The following TANC2 variants were observed in gnomAD, a reference collection of about 807,000 sequenced individuals.
TANC2 encodes the protein tetratricopeptide repeat, ankyrin repeat and coiled-coil containing 2.
TANC2 carries 26 observed loss-of-function variants against 210.5 expected under a neutral mutation model. The observed-to-expected ratio is 0.12, with a 90% confidence interval of 0.09 to 0.17. TANC2 has a LOEUF of 0.17. Among genes scored for constraint, TANC2 ranks in the 10% least tolerant of loss-of-function variants. The pLI, the probability that TANC2 is intolerant of heterozygous loss-of-function variation, is 1.00. For synonymous variants in TANC2, 931 were observed against 967.1 expected (o/e 0.96, Z 0.69); for missense variants, 2,129 against 2,608.9 (o/e 0.82, Z 4.01).
At chr17:63,388,505 G>T (rs2047857360) in intron 15 of TANC2, 130 bp from the exon 16 acceptor site, 5 of 907,938 alleles carry the variant, frequency 5.5e-6, no homozygotes, top group Admixed American at 3.1e-5. Context: ...GCTTTGCTTG[G>T]CATGAACATT....
At chr17:63,342,268 C>T (rs2046254961) in intron 12 of TANC2, among the ~76,000 whole-genome samples, 1 of 151,864 alleles carries the variant, frequency 6.6e-6, no homozygotes, top group Admixed American at 6.6e-5. Flanking sequence ...ATGCCAGATA[C>T]ACTTTGCAGT....
At chr17:63,219,917 A>G (rs1243914386) in intron 7 of TANC2, among the ~76,000 whole-genome samples, 1 of 152,190 alleles carries the variant, frequency 6.6e-6, no homozygotes, top group Non-Finnish European at 1.5e-5. Flanking sequence ...GATTTATACT[A>G]CCTGATTTGA....
chr17:63,197,682 C>T (rs2041390038), intron 6 of TANC2: 1 of 152,168 alleles, frequency 6.6e-6, no homozygotes, highest in Non-Finnish European at 1.5e-5. Context: ...TGAATTTCCT[C>T]TTTAGCTTCT....
chr17:63,195,698 T>C (rs1000153353), intron 6 of TANC2, among the ~76,000 whole-genome samples: 2 of 152,214 alleles, frequency 1.3e-5, no homozygotes, highest in Non-Finnish European at 2.9e-5. Context: ...GTGTCCACTC[T>C]TGCCCCCCTG....
intron 1 of TANC2, among the ~76,000 whole-genome samples, chr17:62,971,239 A>G (rs190381728): frequency 2.6e-5 from 4 of 152,228 alleles, no homozygotes; most frequent in African/African-American, 7.2e-5. Flanking sequence ...GAGTTTCTTG[A>G]AAAGGCCACG....
Position 63,001,638 on chromosome 17 carries a change from G to A in TANC2, c.-23-7899G>A, listed in dbSNP as rs892894091. 2.7e-5 allele frequency among the ~76,000 whole-genome samples: 4 copies of A among 150,160 alleles called. No homozygotes were observed. In the East Asian group the frequency reaches 5.9e-4, roughly 22 times the overall value. The stretch of plus-strand genomic sequence containing the variant: ...CAGCTCGCTGCACCCTTTGCCATCC[G>A]GGTTCAAGCGATTCTCCTGCTTCAG... On this transcript the variant is annotated intron_variant, in intron 1 of 27. Transcript: ENST00000689528.
intron 1 of TANC2, among the ~76,000 whole-genome samples, chr17:62,972,992 A>C (rs2031793120): frequency 1.4e-5 from 2 of 144,784 alleles, no homozygotes; most frequent in Non-Finnish European, 3.0e-5. Context: ...TTCTCTATCT[A>C]TTCTCCCCTT....
chr17:63,391,302 A>C (rs1391835084), intron 17 of TANC2: 2 of 151,808 alleles, frequency 1.3e-5, no homozygotes, highest in Non-Finnish European at 2.9e-5. Flanking sequence ...CCTCTTTATT[A>C]CTCCTTAACC....
At chr17:63,396,004 C>G in intron 18 of TANC2, 76 bp downstream of exon 18, 1 of 1,394,472 alleles carries the variant, frequency 7.2e-7, no homozygotes. Context: ...AAAGATTGCA[C>G]GAAGACAAAA....
At chr17:63,038,480 C>G (rs925808638) in intron 2 of TANC2, among the ~76,000 whole-genome samples, 1 of 151,882 alleles carries the variant, frequency 6.6e-6, no homozygotes, top group African/African-American at 2.4e-5. Context: ...GTGTAGTTTT[C>G]TTTTTTTGGT....
intron 2 of TANC2, among the ~76,000 whole-genome samples, chr17:63,016,061 G>A (rs1287242102): frequency 6.6e-6 from 1 of 152,150 alleles, no homozygotes; most frequent in African/African-American, 2.4e-5. Flanking sequence ...AGCCTTTGGA[G>A]AATGTGTGGA....
intron 2 of TANC2, among the ~76,000 whole-genome samples, chr17:63,035,286 A>G (rs905941530): frequency 6.6e-6 from 1 of 152,232 alleles, no homozygotes; most frequent in Non-Finnish European, 1.5e-5. Flanking sequence ...CTTTTTAGAT[A>G]TAATGCTATT....
chr17:63,275,439 CA>C (rs1415694947), intron 9 of TANC2, among the ~76,000 whole-genome samples: 4 of 152,090 alleles, frequency 2.6e-5, no homozygotes, highest in Non-Finnish European at 5.9e-5. Flanking sequence ...TAATTTTTAT[CA>C]AATCTGTGCT....
At chr17:63,410,346 C>A (rs944264536) in intron 21 of TANC2, among the ~76,000 whole-genome samples, 2 of 128,120 alleles carry the variant, frequency 1.6e-5, no homozygotes, top group South Asian at 2.8e-4. Context: ...ATCCCCCCCC[C>A]CCATCTCCTA....
intron 1 of TANC2, among the ~76,000 whole-genome samples, chr17:63,003,838 T>C (rs1037308489): frequency 6.6e-6 from 1 of 152,234 alleles, no homozygotes; most frequent in Non-Finnish European, 1.5e-5. Context: ...TTGCTTTCTA[T>C]GTTCCTAAGA....
intron 4 of TANC2, among the ~76,000 whole-genome samples, chr17:63,144,699 T>C (rs745587512): frequency 1.3e-5 from 2 of 152,134 alleles, no homozygotes; most frequent in Non-Finnish European, 2.9e-5. Context: ...TATACTTACA[T>C]AGAAGAAATA....
chr17:63,287,338 G>A (rs2044254497), intron 9 of TANC2, among the ~76,000 whole-genome samples: 1 of 152,048 alleles, frequency 6.6e-6, no homozygotes, highest in Non-Finnish European at 1.5e-5. Flanking sequence ...TCTGTTTTAA[G>A]ATATTTCTCT....
intron 9 of TANC2, among the ~76,000 whole-genome samples, chr17:63,272,823 A>C (rs2043754543): frequency 6.6e-6 from 1 of 152,148 alleles, no homozygotes; most frequent in South Asian, 2.1e-4. Flanking sequence ...ACTGATTTCA[A>C]GTGTAGAGAG....
At chr17:63,352,966 T>A (rs2046661972) in intron 13 of TANC2, among the ~76,000 whole-genome samples, 1 of 152,108 alleles carries the variant, frequency 6.6e-6, no homozygotes, top group African/African-American at 2.4e-5. Context: ...CAGGTAGTGT[T>A]GAGTGCTATG....
Sources: allele counts gnomAD v4.1 joint callset (sites outside exome capture counted in the v4.1 genomes callset), GRCh38; gene constraint gnomAD v4.1.1; transcripts MANE v1.5; gene names NCBI Gene and HGNC (gene_info 2026-07-23, HGNC 2026-07-21).